Variants in STIM1 observed in about 807,000 individuals in gnomAD.
STIM1 encodes the protein stromal interaction molecule 1.
STIM1 carries 25 observed loss-of-function variants against 74.7 expected under a neutral mutation model. That is an observed-to-expected ratio of 0.33 (90% CI 0.24 to 0.47). STIM1 has a LOEUF of 0.47. STIM1 is among the 20% of genes least tolerant of loss of function. The probability of loss-of-function intolerance (pLI) is 1.00; values close to 1 mark genes in which losing one functional copy is unlikely to be tolerated. For missense variants in STIM1, 728 were observed against 920.8 expected (o/e 0.79, Z 2.71); for synonymous variants, 328 against 348.8 (o/e 0.94, Z 0.66).
intron 1 of STIM1, among the ~76,000 whole-genome samples, chr11:3,899,703 T>C (rs1394840405): frequency 6.6e-6 from 1 of 150,726 alleles, no homozygotes; most frequent in East Asian, 1.9e-4. Flanking sequence ...CAATACCTAA[T>C]TTATTGAGAG....
intron 1 of STIM1, among the ~76,000 whole-genome samples, chr11:3,935,816 C>T (rs919569145): frequency 3.9e-5 from 6 of 152,170 alleles, no homozygotes; most frequent in Admixed American, 2.6e-4. Flanking sequence ...CAGATGCCTC[C>T]CTTATTCCCT....
chr11:3,932,668 A>G (rs891255133), intron 1 of STIM1, among the ~76,000 whole-genome samples: 15 of 61,668 alleles, frequency 2.4e-4, no homozygotes, highest in African/African-American at 6.4e-4. Flanking sequence ...TCTCAAAGGA[A>G]AAAAAAAAAA....
At chr11:3,947,928 T>C (rs1416176250) in intron 1 of STIM1, among the ~76,000 whole-genome samples, 3 of 152,152 alleles carry the variant, frequency 2.0e-5, no homozygotes, top group Non-Finnish European at 4.4e-5. Flanking sequence ...GTGATCAACA[T>C]AGTTCCTGAC....
chr11:3,933,452 G>T lies in STIM1; in HGVS notation c.140-34100G>T, dbSNP rs989205722. Among the ~76,000 whole-genome samples the T allele has an allele frequency of 3.3e-5, 5 of 152,290 alleles. No individual in the cohort carries two copies. The South Asian group carries it at 8.3e-4, about 25-fold the overall frequency. ...TGAACTAAGTAAACAAGTAAGTAGT[G>T]GTTTGGGGTTAGAGTTTAGGTCCAA... On this transcript the variant is annotated intron_variant, in intron 1 of 12. Transcript: ENST00000526596.
chr11:3,879,211 C>T (rs1486554054), intron 1 of STIM1, among the ~76,000 whole-genome samples: 2 of 152,202 alleles, frequency 1.3e-5, no homozygotes, highest in Non-Finnish European at 2.9e-5. Flanking sequence ...ATGCCTCAGC[C>T]TCCCAAAGTG....
intron 1 of STIM1, among the ~76,000 whole-genome samples, chr11:3,891,626 G>A (rs983640498): frequency 6.6e-6 from 1 of 151,986 alleles, no homozygotes; most frequent in Non-Finnish European, 1.5e-5. Flanking sequence ...CCTCCTACCA[G>A]ATTTTAAATT....
At chr11:3,863,786 G>A (rs146053383) in intron 1 of STIM1, among the ~76,000 whole-genome samples, 4 of 152,010 alleles carry the variant, frequency 2.6e-5, no homozygotes, top group East Asian at 1.9e-4. Context: ...CAGTGCTTGC[G>A]TTCAAGTAAT....
At chr11:4,018,342 C>T (rs1352579817) in intron 2 of STIM1, among the ~76,000 whole-genome samples, 4 of 148,942 alleles carry the variant, frequency 2.7e-5, no homozygotes, top group Non-Finnish European at 1.5e-5. Context: ...GTCCCAGCTA[C>T]TCGGGAGGCT....
intron 1 of STIM1, among the ~76,000 whole-genome samples, chr11:3,941,696 A>AGAGAGAGAGAGAGAGAGAGTGT (rs1214690521): frequency 1.3e-4 from 18 of 141,782 alleles, no homozygotes; most frequent in African/African-American, 1.9e-4. Context: ...AGAGAGAGAG[A>AGAGAGAGAGAGAGAGAGAGTGT]GTGTGTGTGT....
chr11:3,929,381 G>A (rs558884714), intron 1 of STIM1, among the ~76,000 whole-genome samples: 2 of 152,312 alleles, frequency 1.3e-5, no homozygotes, highest in African/African-American at 4.8e-5. Flanking sequence ...TGTATGCTAT[G>A]AGATAATGGC....
intron 3 of STIM1, among the ~76,000 whole-genome samples, chr11:4,052,200 C>A (rs1040955150): frequency 1.3e-5 from 2 of 152,142 alleles, no homozygotes; most frequent in Non-Finnish European, 2.9e-5. Context: ...TTTATAGATT[C>A]AGTGCCATGC....
At chr11:3,956,980 C>G (rs2093223381) in intron 1 of STIM1, among the ~76,000 whole-genome samples, 1 of 150,584 alleles carries the variant, frequency 6.6e-6, no homozygotes, top group Non-Finnish European at 1.5e-5. Flanking sequence ...CTGCAGTGAG[C>G]AAAAAAGCGA....
intron 2 of STIM1, chr11:3,974,288 T>G (rs2093424686): frequency 3.2e-6 from 1 of 314,742 alleles, no homozygotes; most frequent in Non-Finnish European, 5.9e-6. Context: ...CATCCATGGG[T>G]AGAAAAAGCC....
intron 7 of STIM1, 129 bp downstream of exon 7, chr11:4,074,808 G>GT: frequency 1.9e-6 from 2 of 1,050,920 alleles, no homozygotes; most frequent in South Asian, 1.5e-5. Flanking sequence ...TAGAGTCACT[G>GT]GACTCTTACC....
In STIM1 at chr11:4,091,415, C is replaced by A. The variant is rs1468467874; in HGVS notation, c.1768C>A (p.Leu590Met). 11 of 1,614,106 alleles carry A rather than the reference C, an allele frequency of 6.8e-6. No individual in the cohort carries two copies. Among genetic ancestry groups the A allele is most frequent in the South Asian group, 1.1e-5 (1 of 91,082 alleles). The stretch of plus-strand genomic sequence containing the variant: ...CATGACTTCCAATGGCAGCCACCGG[C>A]TGATCGAGGGGGTCCACCCAGGGTC... The part of the protein sequence containing the change: ...NAMTSNGSHR[L>M]IEGVHPGSLV... The change falls in exon 13 of 13, where the codon CTG (leucine) becomes ATG (methionine). Residue 590 changes from leucine to methionine, a missense_variant. Physicochemically the swap from Leu to Met is conservative, Grantham distance 15. Coordinates refer to ENST00000526596, the MANE Select transcript of STIM1 (RefSeq NM_001382567.1).
chr11:3,909,687 G>T (rs1225937554), intron 1 of STIM1, among the ~76,000 whole-genome samples: 2 of 151,870 alleles, frequency 1.3e-5, no homozygotes, highest in Non-Finnish European at 2.9e-5. Context: ...AGCCTGGTGC[G>T]GTGGTGGGCG....
intron 1 of STIM1, among the ~76,000 whole-genome samples, chr11:3,959,511 T>C (rs1019418021): frequency 2.6e-5 from 4 of 152,184 alleles, no homozygotes; most frequent in Non-Finnish European, 5.9e-5. Context: ...GGTAATATTA[T>C]AATGGGCCCT....
intron 5 of STIM1, 57 bp from the exon 6 acceptor site, chr11:4,069,969 G>T (rs973001254): frequency 1.0e-5 from 16 of 1,600,870 alleles, no homozygotes; most frequent in Non-Finnish European, 1.3e-5. Context: ...AGTGGAGTCT[G>T]CAAGGCTAAG....
intron 2 of STIM1, among the ~76,000 whole-genome samples, chr11:3,969,892 AAAGGAT>A (rs2093375057): frequency 6.6e-6 from 1 of 152,224 alleles, no homozygotes; most frequent in Non-Finnish European, 1.5e-5. Context: ...ACTGACCTGT[AAAGGAT>A]CAAAATTTTA....
Sources: allele counts gnomAD v4.1 joint callset (sites outside exome capture counted in the v4.1 genomes callset), GRCh38; gene constraint gnomAD v4.1.1; transcripts MANE v1.5; gene names NCBI Gene and HGNC (gene_info 2026-07-23, HGNC 2026-07-21).